CLIP2: variants seen among roughly 807,000 people sequenced by gnomAD.
CLIP2 encodes CAP-Gly domain containing linker protein 2, also known as CAP-Gly domain-containing linker protein 2.
CLIP2 carries 41 observed loss-of-function variants against 111.7 expected under a neutral mutation model. That is an observed-to-expected ratio of 0.37 (90% CI 0.29 to 0.48). The LOEUF is 0.48. Ranked by LOEUF, CLIP2 falls within the 20% of genes least tolerant of loss-of-function variation. CLIP2 has a pLI of 0.99. For synonymous variants in CLIP2, 660 were observed against 644.2 expected, an observed-to-expected ratio of 1.02 and a Z score of -0.37; for missense variants, 1,160 against 1,422.1, an observed-to-expected ratio of 0.82 and a Z score of 2.96.
chr7:74,297,779 G>T (rs543166855), intron 1 of CLIP2, among the ~76,000 whole-genome samples: 1 of 151,958 alleles, frequency 6.6e-6, no homozygotes, highest in Non-Finnish European at 1.5e-5. Flanking sequence ...AATCCAACTC[G>T]ATGGGAGGAG....
chr7:74,346,133 C>T (rs2116578245), intron 3 of CLIP2, among the ~76,000 whole-genome samples: 1 of 152,108 alleles, frequency 6.6e-6, no homozygotes, highest in East Asian at 1.9e-4. Context: ...TGTGTGCCAC[C>T]ACACCCAGCT....
chr7:74,317,523 G>A lies in CLIP2; in HGVS notation c.-24G>A. The A allele has an allele frequency of 7.1e-7, 1 of 1,398,900 alleles. No homozygotes were observed. Among genetic ancestry groups the A allele is most frequent in the Non-Finnish European group, 9.4e-7 (1 of 1,066,558 alleles). The allele number at this position is 1,398,900 out of a possible 1,614,324, so 86.7% of individuals were successfully genotyped here. A position where few individuals can be genotyped will look rare whatever the true frequency, so the allele number is the denominator to read the frequency against. ...GAGGACGTGACCAGCACTCACCCTT[G>A]TCCACCTGCCCAGTGGCACCGCCAT... is the stretch of plus-strand genomic sequence containing the variant. On this transcript the variant is annotated 5_prime_UTR_variant, in exon 2 of 17. Transcript: ENST00000223398.
chr7:74,326,024 A>C (rs552909198), intron 2 of CLIP2, among the ~76,000 whole-genome samples: 46 of 151,860 alleles, frequency 3.0e-4, no homozygotes, highest in African/African-American at 1.1e-3. Context: ...AGATCACTTG[A>C]GGTCAGGAGT....
chr7:74,294,570 G>C (rs574952571), intron 1 of CLIP2, among the ~76,000 whole-genome samples: 3 of 152,040 alleles, frequency 2.0e-5, no homozygotes, highest in Non-Finnish European at 4.4e-5. Flanking sequence ...CGGAATTTCC[G>C]GCTCACCAGG....
intron 1 of CLIP2, among the ~76,000 whole-genome samples, chr7:74,298,519 A>AT (rs1554726366): frequency 6.7e-6 from 1 of 149,330 alleles, no homozygotes; most frequent in Non-Finnish European, 1.5e-5. Context: ...CTCTATTTTT[A>AT]TTTATTTTAT....
Position 74,317,461 on chromosome 7 carries a change from C to G in CLIP2, c.-67-19C>G. ...CCATTGGGAAGTGATGATGTGATCT[C>G]TCCTGTCTCTGCCCGCAGGTGAGTG... On this transcript the variant is annotated intron_variant, in intron 1 of 16. Coordinates refer to ENST00000223398, the MANE Select transcript of CLIP2 (RefSeq NM_003388.5). 7.6e-6 allele frequency: 10 copies of G among 1,324,288 alleles called. No homozygotes were observed. Among genetic ancestry groups the G allele is most frequent in the Non-Finnish European group, 9.7e-6 (10 of 1,031,710 alleles). 82.0% of individuals were successfully genotyped at this position (1,324,288 alleles called of 1,614,324 possible).
chr7:74,295,106 G>C (rs1245085785), intron 1 of CLIP2, among the ~76,000 whole-genome samples: 1 of 152,138 alleles, frequency 6.6e-6, no homozygotes, highest in Non-Finnish European at 1.5e-5. Flanking sequence ...GTGATTACAA[G>C]TGCATGTCAC....
chr7:74,394,518 G>A (rs1225722422), intron 13 of CLIP2, among the ~76,000 whole-genome samples: 1 of 152,148 alleles, frequency 6.6e-6, no homozygotes, highest in East Asian at 1.9e-4. Flanking sequence ...CCAAAGTGCT[G>A]GGAGCACAGG....
chr7:74,314,157 G>A (rs1383678250), intron 1 of CLIP2, among the ~76,000 whole-genome samples: 12 of 146,208 alleles, frequency 8.2e-5, no homozygotes, highest in African/African-American at 3.0e-4. Context: ...ACTCCAGCCT[G>A]GGTGTCAAAG....
At chr7:74,334,889 G>A (rs1040738378) in intron 2 of CLIP2, among the ~76,000 whole-genome samples, 3 of 151,528 alleles carry the variant, frequency 2.0e-5, no homozygotes, top group South Asian at 2.1e-4. Flanking sequence ...ACTGGAGGCC[G>A]AGGCATGAGA....
At chr7:74,323,532 A>G (rs1003252092) in intron 2 of CLIP2, among the ~76,000 whole-genome samples, 2 of 151,494 alleles carry the variant, frequency 1.3e-5, no homozygotes, top group Non-Finnish European at 1.5e-5. Flanking sequence ...GGTTCAAGCA[A>G]TTCTCCTGCC....
intron 2 of CLIP2, among the ~76,000 whole-genome samples, chr7:74,327,243 C>T (rs1197823601): frequency 6.6e-6 from 1 of 152,142 alleles, no homozygotes; most frequent in Non-Finnish European, 1.5e-5. Context: ...GCTGGGATTA[C>T]AGGCATGTGC....
At position 74,375,438 on chromosome 7, in the gene CLIP2, A is replaced by G. The variant is rs184271606; in HGVS notation, c.1486-449A>G. Among the ~76,000 whole-genome samples, 7 of 149,762 alleles carry G rather than the reference A, an allele frequency of 4.7e-5. No individual in the cohort carries two copies. The Admixed American group carries it at 4.8e-4, about 10-fold the overall frequency. ...CATGGTGGTGCATGCCTGTAGTCCC[A>G]GCTACTCGGGAGGCTGAGGCAGGAG... On this transcript the variant is annotated intron_variant, in intron 9 of 16. Transcript: ENST00000223398.
chr7:74,379,237 A>G (rs1790874183), intron 10 of CLIP2, among the ~76,000 whole-genome samples: 1 of 151,198 alleles, frequency 6.6e-6, no homozygotes, highest in Non-Finnish European at 1.5e-5. Flanking sequence ...GCTGAGGCAC[A>G]AGGATTACTT....
At chr7:74,302,430 G>C (rs1788366346) in intron 1 of CLIP2, among the ~76,000 whole-genome samples, 1 of 152,072 alleles carries the variant, frequency 6.6e-6, no homozygotes, top group Non-Finnish European at 1.5e-5. Flanking sequence ...GGCCAGGCTG[G>C]TCTCGAACTC....
chr7:74,321,943 ATTTTC>A (rs1343615476), intron 2 of CLIP2, among the ~76,000 whole-genome samples: 2 of 136,666 alleles, frequency 1.5e-5, no homozygotes, highest in African/African-American at 5.4e-5. Flanking sequence ...GGTGTACCCT[ATTTTC>A]TTTTCTTTTT....
intron 13 of CLIP2, among the ~76,000 whole-genome samples, chr7:74,390,152 A>G (rs1300529079): frequency 1.9e-5 from 1 of 52,292 alleles, no homozygotes; most frequent in African/African-American, 9.5e-5. Context: ...AAGAAAGAAA[A>G]AGAAAGAAAG....
chr7:74,297,775 A>G (rs1037509616), intron 1 of CLIP2, among the ~76,000 whole-genome samples: 20 of 151,152 alleles, frequency 1.3e-4, no homozygotes, highest in African/African-American at 3.6e-4. Context: ...TAAGAATCCA[A>G]CTCGATGGGA....
chr7:74,346,493 T>A (rs1789799176), intron 3 of CLIP2, among the ~76,000 whole-genome samples: 1 of 151,938 alleles, frequency 6.6e-6, no homozygotes, highest in African/African-American at 2.4e-5. Context: ...GAGGCCAAGG[T>A]GGGTGAATCA....
Sources: allele counts gnomAD v4.1 joint callset (sites outside exome capture counted in the v4.1 genomes callset), GRCh38; gene constraint gnomAD v4.1.1; transcripts MANE v1.5; gene names NCBI Gene and HGNC (gene_info 2026-07-23, HGNC 2026-07-21).